Variants in DIAPH3 observed in about 807,000 individuals in gnomAD.
DIAPH3 encodes protein diaphanous homolog 3.
Under a neutral mutation model 144.3 loss-of-function variants are expected in DIAPH3, and 117 were observed. That is an observed-to-expected ratio of 0.81 (90% CI 0.70 to 0.95). DIAPH3 has a LOEUF of 0.95. Ranked by LOEUF, DIAPH3 falls within the 40% of genes least tolerant of loss-of-function variation. The pLI, the probability that DIAPH3 is intolerant of heterozygous loss-of-function variation, is 0.00. For synonymous variants in DIAPH3, 519 were observed against 488.9 expected (o/e 1.06, Z -0.81); for missense variants, 1,421 against 1,412.7 (o/e 1.01, Z -0.09).
chr13:60,131,435 C>CAAAAAAAAAAAAAAAAAAAAAAAAAAA (rs777909368), intron 2 of DIAPH3, among the ~76,000 whole-genome samples: 1 of 29,308 alleles, frequency 3.4e-5, no homozygotes, highest in African/African-American at 9.2e-5. Flanking sequence ...GACCCTGTCT[C>CAAAAAAAAAAAAAAAAAAAAAAAAAAA]AAAAAAAAAA....
At chr13:60,124,684 C>T (rs747171300) in intron 2 of DIAPH3, among the ~76,000 whole-genome samples, 8 of 151,866 alleles carry the variant, frequency 5.3e-5, no homozygotes, top group Non-Finnish European at 1.2e-4. Context: ...GAAACCCCAT[C>T]GCTACAAAAA....
chr13:59,862,285 A>G (rs1174644380), intron 21 of DIAPH3, among the ~76,000 whole-genome samples: 3 of 152,200 alleles, frequency 2.0e-5, no homozygotes, highest in Non-Finnish European at 4.4e-5. Context: ...AAAAGGAAAG[A>G]TAATGGCATG....
chr13:59,807,461 A>C (rs942105686), intron 25 of DIAPH3, among the ~76,000 whole-genome samples: 1 of 152,066 alleles, frequency 6.6e-6, no homozygotes, highest in Non-Finnish European at 1.5e-5. Context: ...GATTACATCT[A>C]TAGCAAATTC....
intron 20 of DIAPH3, 126 bp from the exon 21 acceptor site, chr13:59,879,594 A>C: frequency 7.5e-7 from 1 of 1,328,656 alleles, no homozygotes; most frequent in Non-Finnish European, 1.0e-6. Context: ...GTCTCCTAAA[A>C]CTGATAGCAG....
At chr13:60,158,906 TAAAAAAAAAAAAA>T (rs71197285) in intron 1 of DIAPH3, among the ~76,000 whole-genome samples, 3 of 76,914 alleles carry the variant, frequency 3.9e-5, no homozygotes, top group South Asian at 1.2e-3. Context: ...TGGCCCCTCT[TAAAAAAAAAAAAA>T]AAAAAAAAAA....
At chr13:59,710,085 G>T (rs1181186693) in intron 27 of DIAPH3, among the ~76,000 whole-genome samples, 1 of 151,832 alleles carries the variant, frequency 6.6e-6, no homozygotes, top group East Asian at 1.9e-4. Flanking sequence ...TCACACTCTG[G>T]GGACTGTTGT....
intron 22 of DIAPH3, among the ~76,000 whole-genome samples, chr13:59,840,331 C>T (rs2042270567): frequency 6.6e-6 from 1 of 152,008 alleles, no homozygotes; most frequent in Non-Finnish European, 1.5e-5. Flanking sequence ...AGGTAATCTG[C>T]CATTCTTAGG....
In DIAPH3 at chr13:60,151,668, A is replaced by C. The variant is rs1019908859; in HGVS notation, c.180+11919T>G. Among the ~76,000 whole-genome samples the C allele has an allele frequency of 8.5e-5, 13 of 152,344 alleles. No individual in the cohort carries two copies. The East Asian group carries it at 2.1e-3, about 25-fold the overall frequency. ...TAAGCACAAGTCTATACCAGGCACCACACAGAAAGTGACTTCCAAAAGCTT... is the reference window on the plus strand; with the variant it reads ...TAAGCACAAGTCTATACCAGGCACCCCACAGAAAGTGACTTCCAAAAGCTT... On this transcript the variant is annotated intron_variant, in intron 1 of 27. Coordinates refer to ENST00000400324, the MANE Select transcript of DIAPH3 (RefSeq NM_001042517.2).
chr13:60,078,533 GTCAT>G (rs1459557910), intron 4 of DIAPH3, among the ~76,000 whole-genome samples: 2 of 151,960 alleles, frequency 1.3e-5, no homozygotes, highest in Non-Finnish European at 2.9e-5. Context: ...AATAGAATGG[GTCAT>G]TCAAAGTTAA....
intron 18 of DIAPH3, among the ~76,000 whole-genome samples, chr13:59,921,271 T>C (rs893328361): frequency 1.2e-4 from 13 of 108,432 alleles, no homozygotes; most frequent in Non-Finnish European, 2.4e-4. Context: ...GACCAGAAAA[T>C]ACCAAAAAAA....
intron 18 of DIAPH3, among the ~76,000 whole-genome samples, chr13:59,923,544 T>A (rs2047615573): frequency 6.6e-6 from 1 of 152,160 alleles, no homozygotes; most frequent in Non-Finnish European, 1.5e-5. Flanking sequence ...TTATGATCCC[T>A]ATATCAGGAT....
At chr13:59,899,536 A>C (rs2046318288) in intron 20 of DIAPH3, among the ~76,000 whole-genome samples, 2 of 152,210 alleles carry the variant, frequency 1.3e-5, no homozygotes, top group Admixed American at 1.3e-4. Flanking sequence ...ATATGATTAA[A>C]GTTGCCTTAG....
At chr13:59,939,215 C>G (rs1047090105) in intron 17 of DIAPH3, among the ~76,000 whole-genome samples, 1 of 152,126 alleles carries the variant, frequency 6.6e-6, no homozygotes, top group Non-Finnish European at 1.5e-5. Flanking sequence ...TCACTGCACA[C>G]CTCAAACTTA....
intron 3 of DIAPH3, among the ~76,000 whole-genome samples, chr13:60,102,777 C>G (rs1281807687): frequency 6.6e-6 from 1 of 152,066 alleles, no homozygotes; most frequent in Non-Finnish European, 1.5e-5. Flanking sequence ...AACGACTGAC[C>G]CCTGCCAAGT....
At position 60,132,445 on chromosome 13, in the gene DIAPH3, C is replaced by T. The variant is rs139976126; in HGVS notation, c.213+512G>A. On this transcript the variant is annotated intron_variant, in intron 2 of 27. Transcript: ENST00000400324. ...AAAATATATTTCTCAGAAAAACTTA[C>T]TTGACTATGCAAGAATCTACAATGG... Among the ~76,000 whole-genome samples, 644 of 152,206 alleles carry T rather than the reference C, an allele frequency of 4.2e-3. 8 individuals are homozygous for T. The highest frequency in any genetic ancestry group is 0.015 in the African/African-American group (614 of 41,554).
intron 24 of DIAPH3, among the ~76,000 whole-genome samples, chr13:59,830,744 C>T (rs1272154396): frequency 6.6e-6 from 1 of 151,858 alleles, no homozygotes; most frequent in Non-Finnish European, 1.5e-5. Context: ...AACCTAACCC[C>T]TCTCCCAATA....
chr13:59,758,892 A>C (rs956668536), intron 27 of DIAPH3, among the ~76,000 whole-genome samples: 2 of 149,610 alleles, frequency 1.3e-5, no homozygotes, highest in Non-Finnish European at 3.0e-5. Context: ...TGATCTTCCT[A>C]TCTCAGCCTC....
intron 5 of DIAPH3, among the ~76,000 whole-genome samples, chr13:60,016,681 A>G (rs1373212084): frequency 6.6e-6 from 1 of 152,230 alleles, no homozygotes; most frequent in East Asian, 1.9e-4. Context: ...GAATTCCCCA[A>G]ACCACTGAAA....
chr13:60,153,209 T>C (rs1951881541), intron 1 of DIAPH3, among the ~76,000 whole-genome samples: 1 of 152,096 alleles, frequency 6.6e-6, no homozygotes, highest in African/African-American at 2.4e-5. Flanking sequence ...TCCAAATGGC[T>C]ATTTATAATT....
Sources: allele counts gnomAD v4.1 joint callset (sites outside exome capture counted in the v4.1 genomes callset), GRCh38; gene constraint gnomAD v4.1.1; transcripts MANE v1.5; gene names NCBI Gene and HGNC (gene_info 2026-07-23, HGNC 2026-07-21).